SORBS2: variants seen among roughly 807,000 people sequenced by gnomAD.
SORBS2 encodes sorbin and SH3 domain containing 2.
A neutral mutation model predicts 97.7 loss-of-function variants in SORBS2; 46 were observed. That is an observed-to-expected ratio of 0.47 (90% CI 0.37 to 0.60). The LOEUF is 0.60. Among genes scored for constraint, SORBS2 ranks in the 20% least tolerant of loss-of-function variants. SORBS2 has a pLI of 0.00. For synonymous variants in SORBS2, 476 were observed against 473.4 expected, an observed-to-expected ratio of 1.01 and a Z score of -0.07; for missense variants, 1,316 against 1,282.3, an observed-to-expected ratio of 1.03 and a Z score of -0.40.
At chr4:185,831,544 C>T (rs2099205143) in intron 1 of SORBS2, among the ~76,000 whole-genome samples, 1 of 152,154 alleles carries the variant, frequency 6.6e-6, no homozygotes, top group Non-Finnish European at 1.5e-5. Flanking sequence ...GGATAGGGCC[C>T]TGAGGGGTTA....
intron 2 of SORBS2, among the ~76,000 whole-genome samples, chr4:185,753,016 G>A (rs147575257): frequency 3.9e-5 from 6 of 152,318 alleles, no homozygotes; most frequent in African/African-American, 1.4e-4. Flanking sequence ...CTACTAAGAT[G>A]AAAGACATTC....
At chr4:185,879,532 C>G (rs2099235817) in intron 1 of SORBS2, among the ~76,000 whole-genome samples, 1 of 152,130 alleles carries the variant, frequency 6.6e-6, no homozygotes, top group South Asian at 2.1e-4. Flanking sequence ...TGAGTATATA[C>G]CCAGTAATGG....
chr4:185,734,606 G>A (rs888165541), intron 2 of SORBS2, among the ~76,000 whole-genome samples: 3 of 152,188 alleles, frequency 2.0e-5, no homozygotes, highest in Non-Finnish European at 4.4e-5. Flanking sequence ...AAAGGCCATA[G>A]TGTTAATATC....
intron 4 of SORBS2, among the ~76,000 whole-genome samples, chr4:185,642,485 C>T (rs1057181): frequency 3.5e-4 from 53 of 152,022 alleles, no homozygotes; most frequent in Non-Finnish European, 6.5e-4. Flanking sequence ...AATATAATCC[C>T]AGCAGAGTTT....
chr4:185,843,443 G>A (rs1006433149), intron 1 of SORBS2, among the ~76,000 whole-genome samples: 1 of 151,958 alleles, frequency 6.6e-6, no homozygotes, highest in Non-Finnish European at 1.5e-5. Flanking sequence ...TGTCTACATA[G>A]AAAATCTCAA....
At chr4:185,589,624 A>AAACTC (rs1160906) in intron 14 of SORBS2, 55 bp downstream of exon 26, 144,411 of 1,039,120 alleles carry the variant, frequency 0.14, 11,974 homozygotes, top group East Asian at 0.33. Flanking sequence ...GGGAGTGAGC[A>AAACTC]AACTCAAGCA....
intron 1 of SORBS2, among the ~76,000 whole-genome samples, chr4:185,886,585 AAAAAG>A (rs2099239766): frequency 6.6e-6 from 1 of 151,434 alleles, no homozygotes; most frequent in East Asian, 1.9e-4. Context: ...AAAAGAAAAA[AAAAAG>A]AAAAGAAAAC....
At chr4:185,820,033 G>A (rs974473871) in intron 1 of SORBS2, among the ~76,000 whole-genome samples, 2 of 152,118 alleles carry the variant, frequency 1.3e-5, no homozygotes, top group African/African-American at 4.8e-5. Flanking sequence ...AGCATAAAAG[G>A]GTATTAGGTA....
rs74534120 is a variant in SORBS2, at chr4:185,599,005, G to A, written c.2797-5070C>T. 4.7e-3 allele frequency among the ~76,000 whole-genome samples: 713 copies of A among 152,274 alleles called. 6 individuals are homozygous for A. Among genetic ancestry groups the A allele is most frequent in the African/African-American group, 0.016 (683 of 41,550 alleles). On this transcript the variant is annotated intron_variant, in intron 12 of 14. Transcript: ENST00000418609. ...TTGCTTTGGCTCTGGAAGGCCATTCGGGGGAGTCTAAGAGTCTCTACAAAT... is the reference window on the plus strand; with the variant it reads ...TTGCTTTGGCTCTGGAAGGCCATTCAGGGGAGTCTAAGAGTCTCTACAAAT...
upstream of SORBS2, among the ~76,000 whole-genome samples, chr4:185,661,508 G>A (rs775730295): frequency 6.6e-6 from 1 of 152,168 alleles, no homozygotes; most frequent in African/African-American, 2.4e-5. Flanking sequence ...TCAGAGGGTT[G>A]AGAACGATTG....
intron 1 of SORBS2, among the ~76,000 whole-genome samples, chr4:185,946,826 C>T (rs1160833053): frequency 6.6e-6 from 1 of 152,142 alleles, no homozygotes; most frequent in Non-Finnish European, 1.5e-5. Context: ...TTTCATTGAA[C>T]AGATAAAAAT....
intron 1 of SORBS2, among the ~76,000 whole-genome samples, chr4:185,923,970 T>TA (rs1358218201): frequency 6.6e-6 from 1 of 152,208 alleles, no homozygotes; most frequent in Non-Finnish European, 1.5e-5. Flanking sequence ...TTGCGATGTG[T>TA]ATTACTCCAC....
At chr4:185,790,507 C>T (rs2099075442) in intron 1 of SORBS2, among the ~76,000 whole-genome samples, 1 of 152,130 alleles carries the variant, frequency 6.6e-6, no homozygotes, top group South Asian at 2.1e-4. Context: ...CTCTAAACTT[C>T]AGGGATCATT....
intron 1 of SORBS2, among the ~76,000 whole-genome samples, chr4:185,936,347 G>A (rs547164193): frequency 6.6e-6 from 1 of 152,330 alleles, no homozygotes; most frequent in South Asian, 2.1e-4. Flanking sequence ...GGCCAACTGA[G>A]AGTGGGCAGT....
intron 1 of SORBS2, among the ~76,000 whole-genome samples, chr4:185,847,602 A>G (rs1318112837): frequency 6.6e-6 from 1 of 152,200 alleles, no homozygotes; most frequent in Non-Finnish European, 1.5e-5. Flanking sequence ...GACATATGGC[A>G]TGTGTGAAAT....
At chr4:185,876,208 A>C (rs969819106) in intron 1 of SORBS2, among the ~76,000 whole-genome samples, 4 of 152,136 alleles carry the variant, frequency 2.6e-5, no homozygotes, top group African/African-American at 9.7e-5. Flanking sequence ...CCCAAGTTCA[A>C]GCGATTTTCC....
intron 2 of SORBS2, among the ~76,000 whole-genome samples, chr4:185,764,989 C>A (rs1018637458): frequency 2.0e-5 from 3 of 151,854 alleles, no homozygotes; most frequent in Non-Finnish European, 4.4e-5. Context: ...TAATTCCTTC[C>A]TTTGTCTGGT....
chr4:185,876,865 T>C (rs2099233975), intron 1 of SORBS2, among the ~76,000 whole-genome samples: 1 of 152,232 alleles, frequency 6.6e-6, no homozygotes, highest in African/African-American at 2.4e-5. Flanking sequence ...AGCATGATTG[T>C]GAAGTATATG....
chr4:185,629,080 G>A (rs1005487191), intron 5 of SORBS2, among the ~76,000 whole-genome samples: 1 of 152,160 alleles, frequency 6.6e-6, no homozygotes, highest in Non-Finnish European at 1.5e-5. Context: ...AGCCCACACA[G>A]CAAACCGATG....
Sources: allele counts gnomAD v4.1 joint callset (sites outside exome capture counted in the v4.1 genomes callset), GRCh38; gene constraint gnomAD v4.1.1; transcripts MANE v1.5; gene names NCBI Gene and HGNC (gene_info 2026-07-23, HGNC 2026-07-21).